The following RBFOX1 variants were observed in gnomAD, a reference collection of about 807,000 sequenced individuals.
RBFOX1 encodes RNA binding fox-1 homolog 1.
A neutral mutation model predicts 57.7 loss-of-function variants in RBFOX1; 8 were observed. That is an observed-to-expected ratio of 0.14 (90% CI 0.08 to 0.25). The LOEUF (loss-of-function observed/expected upper bound fraction) is 0.25, where lower values mean the gene tolerates loss of function less well. Ranked by LOEUF, RBFOX1 falls within the 10% of genes least tolerant of loss-of-function variation. The probability of loss-of-function intolerance (pLI) is 1.00; values close to 1 mark genes in which losing one functional copy is unlikely to be tolerated. For synonymous variants in RBFOX1, 326 were observed against 222.4 expected, an observed-to-expected ratio of 1.47 and a Z score of -4.15; for missense variants, 611 against 548.5, an observed-to-expected ratio of 1.11 and a Z score of -1.14.
Position 7,127,507 on chromosome 16 carries a change from T to A in RBFOX1, c.27+75409T>A, listed in dbSNP as rs922717260. Among the ~76,000 whole-genome samples the A allele has an allele frequency of 2.0e-5, 3 of 152,204 alleles. 1 individual carries two copies. The highest frequency in any genetic ancestry group is 4.1e-4 in the South Asian group (2 of 4,824). On this transcript the variant is annotated intron_variant, in intron 4 of 15. Transcript: ENST00000550418. ...TAGAGCAGTTTTTGATGACAGGGAT[T>A]TACTTACAGGTCTTTTGGTATATGG...
intron 4 of RBFOX1, among the ~76,000 whole-genome samples, chr16:7,295,394 C>G (rs891934267): frequency 1.3e-5 from 2 of 152,052 alleles, no homozygotes; most frequent in African/African-American, 4.8e-5. Context: ...ATCAACTGGT[C>G]AGGGGCTGAA....
chr16:6,486,680 GACTTT>G (rs1193222314), intron 2 of RBFOX1, among the ~76,000 whole-genome samples: 2 of 149,612 alleles, frequency 1.3e-5, no homozygotes, highest in African/African-American at 4.9e-5. Context: ...TGGCATTTTA[GACTTT>G]ACTTTGTTAT....
intron 4 of RBFOX1, among the ~76,000 whole-genome samples, chr16:7,245,414 T>G (rs1464958195): frequency 6.6e-6 from 1 of 151,492 alleles, no homozygotes; most frequent in African/African-American, 2.4e-5. Flanking sequence ...GCTGTACCTA[T>G]CAACCCGTCA....
intron 14 of RBFOX1, among the ~76,000 whole-genome samples, chr16:7,696,790 C>G (rs1047305158): frequency 3.9e-5 from 6 of 152,118 alleles, no homozygotes; most frequent in African/African-American, 1.2e-4. Context: ...CTATTTTAGA[C>G]TCAGCCATCA....
chr16:6,876,003 T>A (rs987885475), intron 3 of RBFOX1, among the ~76,000 whole-genome samples: 4 of 150,958 alleles, frequency 2.6e-5, no homozygotes, highest in African/African-American at 9.8e-5. Context: ...TCTCAAAAAA[T>A]AATAATTCCA....
At chr16:6,979,717 G>T (rs909693701) in intron 3 of RBFOX1, among the ~76,000 whole-genome samples, 7 of 152,152 alleles carry the variant, frequency 4.6e-5, no homozygotes, top group African/African-American at 1.7e-4. Context: ...TTATAAATTT[G>T]AAGGCTGTGA....
chr16:5,860,138 A>G (rs2057175306), intron 3 of RBFOX1, among the ~76,000 whole-genome samples: 1 of 152,102 alleles, frequency 6.6e-6, no homozygotes, highest in Non-Finnish European at 1.5e-5. Flanking sequence ...GCTGGAGTGC[A>G]ATGGCATGAT....
At chr16:6,754,468 A>G (rs1363290279) in intron 3 of RBFOX1, among the ~76,000 whole-genome samples, 1 of 152,162 alleles carries the variant, frequency 6.6e-6, no homozygotes, top group Non-Finnish European at 1.5e-5. Flanking sequence ...TGTTTCTTCC[A>G]CAATTTCAGC....
Position 5,334,040 on chromosome 16 carries a change from G to C in RBFOX1, c.219+93935G>C, listed in dbSNP as rs545378596. Among the ~76,000 whole-genome samples the C allele has an allele frequency of 5.9e-5, 9 of 152,294 alleles. No individual in the cohort carries two copies. The South Asian group carries it at 6.2e-4, about 11-fold the overall frequency. On this transcript the variant is annotated intron_variant, in intron 1 of 2. Transcript: ENST00000585867. The stretch of plus-strand genomic sequence containing the variant: ...TTATTTTGGTGAATAAACCTGAGAG[G>C]TGCTTCTGGCCGATTTCTGTCAGGA...
chr16:6,321,091 A>G (rs914622045), intron 2 of RBFOX1, among the ~76,000 whole-genome samples: 2 of 152,212 alleles, frequency 1.3e-5, no homozygotes, highest in African/African-American at 4.8e-5. Context: ...ATCACGTTAA[A>G]GTAACATAAA....
intron 1 of RBFOX1, among the ~76,000 whole-genome samples, chr16:6,240,801 CTCTT>C (rs1357330468): frequency 6.6e-6 from 1 of 152,166 alleles, no homozygotes; most frequent in Non-Finnish European, 1.5e-5. Context: ...CAGTCTCCAA[CTCTT>C]TCTTGATTCA....
intron 1 of RBFOX1, among the ~76,000 whole-genome samples, chr16:6,249,213 G>T (rs1016457675): frequency 6.6e-6 from 1 of 152,208 alleles, no homozygotes; most frequent in East Asian, 1.9e-4. Flanking sequence ...CACACCAATG[G>T]AAGGAAACAG....
intron 4 of RBFOX1, among the ~76,000 whole-genome samples, chr16:7,242,341 A>G (rs13338283): frequency 2.0e-4 from 30 of 152,332 alleles, no homozygotes; most frequent in African/African-American, 5.8e-4. Context: ...TTGGAAAGGA[A>G]GGTACCTTCT....
chr16:6,918,900 G>C (rs943959141), intron 3 of RBFOX1, among the ~76,000 whole-genome samples: 1 of 152,094 alleles, frequency 6.6e-6, no homozygotes. Context: ...AGTGGGGGTG[G>C]GGAGGAAAGT....
At chr16:6,457,441 C>CCCT (rs1555484736) in intron 2 of RBFOX1, among the ~76,000 whole-genome samples, 1 of 67,688 alleles carries the variant, frequency 1.5e-5, no homozygotes, top group Admixed American at 1.6e-4. Flanking sequence ...CCGGAAGTCC[C>CCCT]CCCCCCCGCA....
Position 5,311,255 on chromosome 16 carries a change from T to C in RBFOX1, c.219+71150T>C, listed in dbSNP as rs1232379031. Among the ~76,000 whole-genome samples the C allele has an allele frequency of 2.6e-5, 4 of 152,210 alleles. No homozygotes were observed. In the South Asian group the frequency reaches 6.2e-4, roughly 24 times the overall value. Reference sequence around the variant, plus strand: ...ACATATCACATATATCACACACATATACACACACATATATATTAATATCAC... The same window carrying C: ...ACATATCACATATATCACACACATACACACACACATATATATTAATATCAC... On this transcript the variant is annotated intron_variant, in intron 1 of 2. Transcript: ENST00000585867.
intron 3 of RBFOX1, among the ~76,000 whole-genome samples, chr16:6,744,469 A>G (rs1457656865): frequency 6.6e-6 from 1 of 152,098 alleles, no homozygotes; most frequent in Non-Finnish European, 1.5e-5. Flanking sequence ...TTTTTAATCA[A>G]TAAATTTAAG....
At chr16:7,348,298 A>G (rs983705910) in intron 4 of RBFOX1, among the ~76,000 whole-genome samples, 2 of 152,176 alleles carry the variant, frequency 1.3e-5, no homozygotes, top group Admixed American at 6.5e-5. Flanking sequence ...TTTCTTCCCT[A>G]AATAATTCTT....
At chr16:6,435,285 T>G (rs79829158) in intron 2 of RBFOX1, among the ~76,000 whole-genome samples, 1 of 152,050 alleles carries the variant, frequency 6.6e-6, no homozygotes, top group African/African-American at 2.4e-5. Context: ...TTATTGTTGT[T>G]ATTGTTGTTG....
Sources: allele counts gnomAD v4.1 joint callset (sites outside exome capture counted in the v4.1 genomes callset), GRCh38; gene constraint gnomAD v4.1.1; transcripts MANE v1.5; gene names NCBI Gene and HGNC (gene_info 2026-07-23, HGNC 2026-07-21).